Variants in TLN2 observed in about 807,000 individuals in gnomAD.
TLN2 encodes talin 2, also known as talin-2.
A neutral mutation model predicts 294.7 loss-of-function variants in TLN2; 118 were observed. The ratio of observed to expected loss-of-function variants is 0.40; its 90% confidence interval spans 0.34 to 0.47. TLN2 has a LOEUF of 0.47. Among genes scored for constraint, TLN2 ranks in the 20% least tolerant of loss-of-function variants. TLN2 has a pLI of 0.84. For synonymous variants in TLN2, 1,431 were observed against 1,304.5 expected (o/e 1.10, Z -2.09); for missense variants, 3,083 against 3,282.2 (o/e 0.94, Z 1.48).
chr15:62,758,906 A>C (rs1384032570), intron 37 of TLN2, among the ~76,000 whole-genome samples: 1 of 152,122 alleles, frequency 6.6e-6, no homozygotes, highest in Non-Finnish European at 1.5e-5. Flanking sequence ...TGGGAGTTTA[A>C]GCTTAAATTG....
chr15:62,712,674 C>G lies in TLN2; in HGVS notation c.2634+597C>G, dbSNP rs972689997. Among the ~76,000 whole-genome samples, 3 of 152,166 alleles carry G rather than the reference C, an allele frequency of 2.0e-5. No homozygotes were observed. In the South Asian group the frequency reaches 6.2e-4, roughly 32 times the overall value. On this transcript the variant is annotated intron_variant, in intron 22 of 58. Transcript: ENST00000636159. ...TGTGGAACATATTAAAATGCACATG[C>G]CTCAGTTTCATCCCCAAAGATCCTG...
intron 1 of TLN2, among the ~76,000 whole-genome samples, chr15:62,392,348 G>A (rs1332366075): frequency 6.6e-6 from 1 of 152,228 alleles, no homozygotes; most frequent in Admixed American, 6.5e-5. Flanking sequence ...AATTAAAGAC[G>A]GTTGGGTAGG....
At chr15:62,506,775 CTTG>C (rs1300904556) in intron 1 of TLN2, among the ~76,000 whole-genome samples, 1 of 152,246 alleles carries the variant, frequency 6.6e-6, no homozygotes, top group Non-Finnish European at 1.5e-5. Context: ...TGATTCCACT[CTTG>C]TTGTAGAGCA....
intron 45 of TLN2, among the ~76,000 whole-genome samples, chr15:62,789,597 G>A (rs1410418239): frequency 1.3e-5 from 2 of 152,130 alleles, no homozygotes; most frequent in African/African-American, 4.8e-5. Flanking sequence ...CATCCCATAG[G>A]GTTCAGGTTC....
At chr15:62,433,943 C>G (rs1445412099) in intron 1 of TLN2, among the ~76,000 whole-genome samples, 1 of 152,050 alleles carries the variant, frequency 6.6e-6, no homozygotes, top group Non-Finnish European at 1.5e-5. Flanking sequence ...GAGCCGAGAT[C>G]ACGCCACTGC....
At chr15:62,787,610 C>T (rs777933683) in intron 45 of TLN2, among the ~76,000 whole-genome samples, 1 of 151,368 alleles carries the variant, frequency 6.6e-6, no homozygotes, top group Non-Finnish European at 1.5e-5. Flanking sequence ...ACTGGTAGTT[C>T]GTTGGATCAC....
intron 1 of TLN2, among the ~76,000 whole-genome samples, chr15:62,535,684 T>G (rs2041307571): frequency 6.7e-6 from 1 of 150,288 alleles, no homozygotes; most frequent in South Asian, 2.1e-4. Flanking sequence ...GCCACTGGAG[T>G]AGATGGGATT....
intron 48 of TLN2, 28 bp downstream of exon 48, chr15:62,797,430 C>T (rs1463984723): frequency 1.3e-6 from 2 of 1,559,224 alleles, no homozygotes; most frequent in South Asian, 1.2e-5. Context: ...GGAGTGCGTC[C>T]TCCCGGTCTT....
intron 52 of TLN2, 27 bp from the exon 53 acceptor site, chr15:62,819,489 T>A (rs1218643170): frequency 6.3e-7 from 1 of 1,586,192 alleles, no homozygotes; most frequent in Non-Finnish European, 8.7e-7. Flanking sequence ...ATCCCCCTCA[T>A]GCCTCTGACT....
chr15:62,599,275 G>A (rs1397829218), intron 2 of TLN2, among the ~76,000 whole-genome samples: 1 of 152,140 alleles, frequency 6.6e-6, no homozygotes, highest in Non-Finnish European at 1.5e-5. Flanking sequence ...TATTTAACTG[G>A]TTGCAGTGAT....
intron 1 of TLN2, among the ~76,000 whole-genome samples, chr15:62,469,792 G>A (rs781359919): frequency 6.6e-6 from 1 of 152,092 alleles, no homozygotes; most frequent in Non-Finnish European, 1.5e-5. Context: ...CTAAAGTCTG[G>A]TAGTTTAAAA....
At chr15:62,489,466 A>G (rs1262812991) in intron 1 of TLN2, among the ~76,000 whole-genome samples, 1 of 152,138 alleles carries the variant, frequency 6.6e-6, no homozygotes, top group African/African-American at 2.4e-5. Context: ...CATATAAACC[A>G]TTAGTAATTG....
intron 2 of TLN2, among the ~76,000 whole-genome samples, chr15:62,591,807 G>A (rs568885648): frequency 2.0e-5 from 3 of 152,136 alleles, no homozygotes; most frequent in Admixed American, 2.0e-4. Flanking sequence ...TCAGAGTTCC[G>A]AGCTGATGGC....
intron 54 of TLN2, chr15:62,832,380 C>A (rs2068958915): frequency 6.6e-6 from 1 of 152,212 alleles, no homozygotes; most frequent in Non-Finnish European, 1.5e-5. Flanking sequence ...CACTGTGTGA[C>A]CTGAGGGCAG....
chr15:62,823,210 G>A (rs2141212689), intron 54 of TLN2, among the ~76,000 whole-genome samples: 1 of 152,306 alleles, frequency 6.6e-6, no homozygotes, highest in South Asian at 2.1e-4. Flanking sequence ...CTGCCTGATG[G>A]CCAGAGGTGG....
At chr15:62,457,653 G>C (rs1385377031) in intron 1 of TLN2, among the ~76,000 whole-genome samples, 1 of 152,200 alleles carries the variant, frequency 6.6e-6, no homozygotes, top group Non-Finnish European at 1.5e-5. Flanking sequence ...TTGTGTCGGG[G>C]TTTTCCACAT....
chr15:62,761,964 A>G (rs2062706212), intron 38 of TLN2, 143 bp downstream of exon 38: 1 of 1,139,672 alleles, frequency 8.8e-7, no homozygotes, highest in South Asian at 1.4e-5. Context: ...GCATGTGCAC[A>G]GTTAGTGAAA....
At chr15:62,427,639 C>T (rs2034788661) in intron 1 of TLN2, among the ~76,000 whole-genome samples, 1 of 152,172 alleles carries the variant, frequency 6.6e-6, no homozygotes, top group Non-Finnish European at 1.5e-5. Flanking sequence ...CAGATTGCGA[C>T]CCTCCTTTGC....
At chr15:62,569,973 G>A (rs1057489885) in intron 1 of TLN2, among the ~76,000 whole-genome samples, 2 of 152,114 alleles carry the variant, frequency 1.3e-5, no homozygotes, top group African/African-American at 2.4e-5. Context: ...GCCTTGTTCC[G>A]GTCAAGGCTG....
Sources: allele counts gnomAD v4.1 joint callset (sites outside exome capture counted in the v4.1 genomes callset), GRCh38; gene constraint gnomAD v4.1.1; transcripts MANE v1.5; gene names NCBI Gene and HGNC (gene_info 2026-07-23, HGNC 2026-07-21).